Variants in ERCC8 observed in about 807,000 individuals in gnomAD.
The protein encoded by ERCC8 is DNA excision repair protein ERCC-8.
Under a neutral mutation model 54.9 loss-of-function variants are expected in ERCC8, and 52 were observed. The observed-to-expected ratio is 0.95, with a 90% CI of 0.76 to 1.19. ERCC8 has a LOEUF of 1.19. Among genes scored for constraint, ERCC8 ranks in the 50% most tolerant of loss-of-function variants. The pLI is 0.00. For synonymous variants in ERCC8, 146 were observed against 157.2 expected (o/e 0.93, Z 0.53); for missense variants, 514 against 466.1 (o/e 1.10, Z -0.95).
intron 6 of ERCC8, 182 bp downstream of exon 6, chr5:60,903,466 T>C: frequency 1.0e-6 from 1 of 984,102 alleles, no homozygotes; most frequent in Non-Finnish European, 1.4e-6. Flanking sequence ...TATAAATGTG[T>C]TTTCAATGGT....
chr5:60,880,166 T>G (rs890898119), intron 11 of ERCC8, among the ~76,000 whole-genome samples: 1 of 152,230 alleles, frequency 6.6e-6, no homozygotes, highest in African/African-American at 2.4e-5. Flanking sequence ...TTGAAAATTC[T>G]TCTCTTTAAG....
rs192053818 is a variant in ERCC8, at chr5:60,942,418, T to C, written c.77+2514A>G. 2.3e-3 allele frequency among the ~76,000 whole-genome samples: 355 copies of C among 152,138 alleles called. 2 individuals carry two copies. The highest frequency in any genetic ancestry group is 8.2e-3 in the African/African-American group (342 of 41,492). ...AACAACTCAGATGTCCATCGACAAGTGACTAGATAAACTGTGGTATATCTG... is the reference window on the plus strand; with the variant it reads ...AACAACTCAGATGTCCATCGACAAGCGACTAGATAAACTGTGGTATATCTG... On this transcript the variant is annotated intron_variant, in intron 1 of 11. Transcript: ENST00000676185.
chr5:60,894,752 G>A (rs1044617252), intron 9 of ERCC8, among the ~76,000 whole-genome samples: 1 of 152,044 alleles, frequency 6.6e-6, no homozygotes, highest in African/African-American at 2.4e-5. Flanking sequence ...AAGTTGATGG[G>A]TTTACTTCCT....
chr5:60,901,619 T>C (rs755631503), intron 7 of ERCC8, among the ~76,000 whole-genome samples: 5 of 152,038 alleles, frequency 3.3e-5, no homozygotes, highest in Non-Finnish European at 5.9e-5. Context: ...ACTGTATTCA[T>C]GTCCACCTTT....
chr5:60,889,670 T>C (rs569702100), intron 10 of ERCC8, among the ~76,000 whole-genome samples: 4 of 152,262 alleles, frequency 2.6e-5, no homozygotes, highest in African/African-American at 4.8e-5. Context: ...AAGAAATAAT[T>C]TGTGGTTAGA....
chr5:60,943,932 G>A (rs1750344012), intron 1 of ERCC8, among the ~76,000 whole-genome samples: 1 of 152,166 alleles, frequency 6.6e-6, no homozygotes, highest in Admixed American at 6.5e-5. Flanking sequence ...AAAACGTAAT[G>A]GATAAAATGT....
intron 10 of ERCC8, among the ~76,000 whole-genome samples, chr5:60,890,119 A>C (rs971142688): frequency 1.3e-5 from 2 of 152,160 alleles, no homozygotes; most frequent in Non-Finnish European, 2.9e-5. Context: ...AATCAGGTCT[A>C]TATATCTTAC....
chr5:60,882,970 A>AACACACACACACACACAC (rs10550173), intron 11 of ERCC8, among the ~76,000 whole-genome samples: 33 of 144,826 alleles, frequency 2.3e-4, no homozygotes, highest in African/African-American at 7.9e-4. Flanking sequence ...GCCCTGGGAA[A>AACACACACACACACACAC]ACACACACAC....
intron 1 of ERCC8, among the ~76,000 whole-genome samples, chr5:60,939,979 C>G (rs1750210194): frequency 6.6e-6 from 1 of 152,036 alleles, no homozygotes; most frequent in African/African-American, 2.4e-5. Context: ...TCAGTGAGCC[C>G]TTTGAGTCTA....
chr5:60,887,617 TA>T (rs1254478738), intron 10 of ERCC8, 97 bp from the exon 11 acceptor site: 1 of 893,516 alleles, frequency 1.1e-6, no homozygotes, highest in Admixed American at 1.8e-5. Flanking sequence ...TCATAATAAT[TA>T]GATTAATGCT....
chr5:60,934,875 A>G (rs994874895), intron 1 of ERCC8, among the ~76,000 whole-genome samples: 5 of 152,102 alleles, frequency 3.3e-5, no homozygotes, highest in African/African-American at 1.2e-4. Context: ...GCTAGCTGTA[A>G]GTATTTGGCT....
rs1336785041 is a variant in ERCC8 at position 60,887,358 on chromosome 5, A to G, written c.1122+82T>C. 3 of 1,197,002 alleles carry G rather than the reference A, an allele frequency of 2.5e-6. No homozygotes were observed. The African/African-American group carries it at 4.5e-5, about 18-fold the overall frequency. The allele number at this position is 1,197,002 out of a possible 1,614,324, so 74.1% of individuals were successfully genotyped here. On this transcript the variant is annotated intron_variant, in intron 11 of 11. Coordinates refer to ENST00000676185, the MANE Select transcript of ERCC8 (RefSeq NM_000082.4). ...CATGCCACTGGCAAGAAATGCTTTA[A>G]AAGTCTCTCTCACATAAAGTAACAA...
At chr5:60,893,854 A>C (rs1748643536) in intron 9 of ERCC8, among the ~76,000 whole-genome samples, 1 of 152,198 alleles carries the variant, frequency 6.6e-6, no homozygotes. Flanking sequence ...AATGGCATTA[A>C]GTGCATTCAT....
intron 1 of ERCC8, among the ~76,000 whole-genome samples, chr5:60,943,701 G>GA (rs796450175): frequency 5.9e-5 from 9 of 151,854 alleles, no homozygotes; most frequent in Non-Finnish European, 1.0e-4. Flanking sequence ...TGGAGCAAAT[G>GA]AAAAAAAAGC....
chr5:60,931,990 T>TA, intron 1 of ERCC8: 1 of 152,362 alleles, frequency 6.6e-6, no homozygotes, highest in South Asian at 2.1e-4. Flanking sequence ...CTGTCTCCTC[T>TA]AAAATCCTTA....
In ERCC8 at chr5:60,869,704, G is replaced by A. The variant is rs1050219487; in HGVS notation, c.*4911C>T. On this transcript the variant is annotated 3_prime_UTR_variant, in exon 12 of 12. Coordinates refer to ENST00000676185, the MANE Select transcript of ERCC8 (RefSeq NM_000082.4). ...CTACGATGTGATTTTTTAGGCTTCT[G>A]GTTAAAAATAGATTTATGGCTATGT... Among the ~76,000 whole-genome samples, 1 of 151,882 alleles carries A rather than the reference G, an allele frequency of 6.6e-6. No homozygotes were observed. Among genetic ancestry groups the A allele is most frequent in the African/African-American group, 2.4e-5 (1 of 41,330 alleles).
chr5:60,898,976 TA>T lies in ERCC8; in HGVS notation c.719-577del, dbSNP rs1423324583. On this transcript the variant is annotated intron_variant, in intron 8 of 11. Transcript: ENST00000676185. Reference sequence around the variant, plus strand: ...TTAAAAAACTATATAAATTCTAATATATGAAATATATTAGAATGAACTATAT... The same window carrying T: ...TTAAAAAACTATATAAATTCTAATATTGAAATATATTAGAATGAACTATAT... Among the ~76,000 whole-genome samples, 5 of 151,456 alleles carry T rather than the reference TA, an allele frequency of 3.3e-5. No homozygotes were observed. In the East Asian group the frequency reaches 9.7e-4, roughly 29 times the overall value.
At chr5:60,895,928 C>T (rs1748710648) in intron 9 of ERCC8, among the ~76,000 whole-genome samples, 1 of 152,132 alleles carries the variant, frequency 6.6e-6, no homozygotes, top group African/African-American at 2.4e-5. Flanking sequence ...TTGTCTTGTC[C>T]TTAGGGTTTC....
chr5:60,877,110 A>T lies in ERCC8; in HGVS notation c.1123-2427T>A, dbSNP rs568861141. 4.6e-5 allele frequency among the ~76,000 whole-genome samples: 7 copies of T among 152,242 alleles called. No homozygotes were observed. The South Asian group carries it at 6.2e-4, about 14-fold the overall frequency. ...GCTTTCTAAGTATGGCTAGCCAGTTATCCCAGCACCATTTACTAAATAGGG... is the reference window on the plus strand; with the variant it reads ...GCTTTCTAAGTATGGCTAGCCAGTTTTCCCAGCACCATTTACTAAATAGGG... On this transcript the variant is annotated intron_variant, in intron 11 of 11. Coordinates refer to ENST00000676185, the MANE Select transcript of ERCC8 (RefSeq NM_000082.4).
Sources: gnomAD v4.1 joint callset for allele counts (sites outside exome capture counted in the v4.1 genomes callset) on GRCh38, gnomAD v4.1.1 for gene constraint, MANE v1.5 for transcripts, NCBI Gene and HGNC (gene_info 2026-07-23, HGNC 2026-07-21) for gene names.